The following XIAP variants were observed in gnomAD, a reference collection of about 807,000 sequenced individuals.
The protein encoded by XIAP is X-linked inhibitor of apoptosis, also known as E3 ubiquitin-protein ligase XIAP.
XIAP carries 3 observed loss-of-function variants against 33.1 expected under a neutral mutation model. The observed-to-expected ratio is 0.09, with a 90% CI of 0.04 to 0.23. The LOEUF is 0.23. Ranked by LOEUF, XIAP falls within the 10% of genes least tolerant of loss-of-function variation. XIAP has a pLI of 1.00. For synonymous variants in XIAP, 98 were observed against 121.3 expected (o/e 0.81, Z 1.26); for missense variants, 264 against 363.0 (o/e 0.73, Z 2.22).
At position 123,886,548 on chromosome X, in the gene XIAP, T is replaced by C; in HGVS notation, c.877+9T>C. On this transcript the variant is annotated intron_variant, in intron 2 of 6. Coordinates refer to ENST00000371199, the MANE Select transcript of XIAP (RefSeq NM_001167.4). ...TGGATTTTATGCTTTAGGTAAACTTTATTATAAAACCAATAAATAGCTTCC... is the reference window on the plus strand; with the variant it reads ...TGGATTTTATGCTTTAGGTAAACTTCATTATAAAACCAATAAATAGCTTCC... 8.3e-7 allele frequency: 1 copy of C among 1,200,879 alleles called. No individual in the cohort carries two copies. Among genetic ancestry groups the C allele is most frequent in the Non-Finnish European group, 1.1e-6 (1 of 895,145 alleles).
chrX:123,882,610 C>T (rs2053313689), intron 1 of XIAP, among the ~76,000 whole-genome samples: 1 of 112,253 alleles, frequency 8.9e-6, no homozygotes, highest in African/African-American at 3.2e-5. Flanking sequence ...GGATGTTGCA[C>T]ATCTGGACAC....
At chrX:123,891,700 A>G (rs890730685) in intron 4 of XIAP, among the ~76,000 whole-genome samples, 6 of 109,697 alleles carry the variant, frequency 5.5e-5, no homozygotes, top group African/African-American at 2.0e-4. Flanking sequence ...ACATGCCTGT[A>G]GTCCCAGCTA....
intron 1 of XIAP, among the ~76,000 whole-genome samples, chrX:123,880,737 CAAAAAAAA>C (rs35365799): frequency 1.6e-5 from 1 of 63,944 alleles, no homozygotes; most frequent in Non-Finnish European, 3.0e-5. Context: ...AACTCTGTTT[CAAAAAAAA>C]AAAAAAAAAA....
chrX:123,865,921 ATT>A (rs766703100), intron 1 of XIAP, among the ~76,000 whole-genome samples: 1 of 99,398 alleles, frequency 1.0e-5, no homozygotes, highest in Non-Finnish European at 2.1e-5. Flanking sequence ...CACCTGGCTA[ATT>A]TTTTTTTTTT....
chrX:123,889,984 T>TA (rs1243453268), intron 3 of XIAP, among the ~76,000 whole-genome samples: 3 of 98,791 alleles, frequency 3.0e-5, no homozygotes, highest in African/African-American at 1.1e-4. Context: ...CTCTATGACA[T>TA]ACAGTTGTTC....
intron 6 of XIAP, among the ~76,000 whole-genome samples, chrX:123,901,993 C>T (rs1401625885): frequency 9.0e-6 from 1 of 111,406 alleles, no homozygotes; most frequent in South Asian, 3.8e-4. Flanking sequence ...CCACCACGCC[C>T]GGCTAATTTT....
At chrX:123,902,622 C>T (rs1477744166) in intron 6 of XIAP, among the ~76,000 whole-genome samples, 1 of 111,119 alleles carries the variant, frequency 9.0e-6, no homozygotes. Context: ...AAAAATAGTA[C>T]CGAATCAGTA....
chrX:123,886,687 C>G (rs992948783), intron 2 of XIAP, 148 bp downstream of exon 2: 1 of 611,125 alleles, frequency 1.6e-6, no homozygotes, highest in Non-Finnish European at 2.5e-6. Context: ...TCCGTGAACT[C>G]TTATGTTGAA....
chrX:123,896,927 ATTT>A (rs55979065), intron 5 of XIAP, among the ~76,000 whole-genome samples: 20 of 75,266 alleles, frequency 2.7e-4, no homozygotes, highest in Middle Eastern at 0.018. Context: ...AACGTCTTTA[ATTT>A]TTTTTTTTTT....
chrX:123,883,025 C>T (rs7055906), intron 1 of XIAP, among the ~76,000 whole-genome samples: 20,742 of 108,853 alleles, frequency 0.19, 1,465 homozygotes, highest in South Asian at 0.38. Context: ...GAACTCCTGA[C>T]CTCAGGTGAC....
At chrX:123,879,509 G>A (rs1043870822) in intron 1 of XIAP, among the ~76,000 whole-genome samples, 26 of 106,283 alleles carry the variant, frequency 2.4e-4, no homozygotes, top group South Asian at 8.8e-4. Context: ...TAGAGACGGG[G>A]TTTCACCGTG....
upstream of XIAP, chrX:123,860,015 G>A (rs958306339): frequency 6.3e-6 from 2 of 316,339 alleles, no homozygotes; most frequent in Admixed American, 6.3e-5. Context: ...GGCGCAGCCC[G>A]GGCTGGGAGA....
At chrX:123,871,495 C>G (rs2053192826) in intron 1 of XIAP, among the ~76,000 whole-genome samples, 1 of 109,458 alleles carries the variant, frequency 9.1e-6, no homozygotes, top group Non-Finnish European at 1.9e-5. Context: ...ATTTACCTTC[C>G]TTATGTTTTA....
chrX:123,885,208 AAAC>A (rs1332300764), intron 1 of XIAP, among the ~76,000 whole-genome samples: 2 of 111,963 alleles, frequency 1.8e-5, no homozygotes, highest in Non-Finnish European at 3.8e-5. Flanking sequence ...TAACTTGTAA[AAAC>A]AACTTTGATG....
rs1444768127 is a variant in XIAP, at chrX:123,907,386, T to A, written c.*205T>A. 4.1e-6 allele frequency: 2 copies of A among 485,792 alleles called. No individual in the cohort carries two copies. Among genetic ancestry groups the A allele is most frequent in the African/African-American group, 2.4e-5 (1 of 42,378 alleles). The allele number at this position is 485,792 out of a possible 1,213,427, so 40.0% of individuals were successfully genotyped here. On this transcript the variant is annotated 3_prime_UTR_variant, in exon 7 of 7. Transcript: ENST00000371199. The stretch of plus-strand genomic sequence containing the variant: ...GTATTAGCTGTATTATCCATTTTTT[T>A]TACTGTTATTTAATTGAAACCATAG...
chrX:123,864,398 T>C (rs374625462), intron 1 of XIAP, among the ~76,000 whole-genome samples: 8 of 109,699 alleles, frequency 7.3e-5, no homozygotes, highest in Admixed American at 2.0e-4. Flanking sequence ...CAGGCATTCA[T>C]TGTAGTATGT....
At chrX:123,893,875 C>T (rs886698731) in intron 5 of XIAP, among the ~76,000 whole-genome samples, 1 of 112,265 alleles carries the variant, frequency 8.9e-6, no homozygotes, top group African/African-American at 3.2e-5. Context: ...ATCAGTCAGA[C>T]GTGTCTGTAT....
intron 1 of XIAP, among the ~76,000 whole-genome samples, chrX:123,877,665 T>A (rs2053258272): frequency 9.0e-6 from 1 of 111,600 alleles, no homozygotes; most frequent in Non-Finnish European, 1.9e-5. Flanking sequence ...AGAATCAAAC[T>A]TTTTCTCATT....
chrX:123,908,129 A>G lies in XIAP; in HGVS notation c.*948A>G, dbSNP rs763962301. On this transcript the variant is annotated 3_prime_UTR_variant, in exon 7 of 7. Transcript: ENST00000371199. The stretch of plus-strand genomic sequence containing the variant: ...GGCTTAGGCATGTTCAAACGCCTGC[A>G]AAACTACTTATCACTCAGCTTTAGT... 6.6e-5 allele frequency: 24 copies of G among 363,281 alleles called. No individual in the cohort carries two copies. The highest frequency in any genetic ancestry group is 1.2e-4 in the Non-Finnish European group (22 of 191,014). 29.9% of individuals were successfully genotyped at this position (363,281 alleles called of 1,213,427 possible).
Sources: gnomAD v4.1 joint callset for allele counts (sites outside exome capture counted in the v4.1 genomes callset) on GRCh38, gnomAD v4.1.1 for gene constraint, MANE v1.5 for transcripts, NCBI Gene and HGNC (gene_info 2026-07-23, HGNC 2026-07-21) for gene names.